Variants in PCNX4 observed in about 807,000 individuals in gnomAD.
The protein encoded by PCNX4 is pecanex 4.
PCNX4 carries 103 observed loss-of-function variants against 107.2 expected under a neutral mutation model. The observed-to-expected ratio is 0.96, with a 90% CI of 0.82 to 1.13. PCNX4 has a LOEUF of 1.13. PCNX4 is among the 50% of genes most tolerant of loss of function. PCNX4 has a pLI of 0.00. For synonymous variants in PCNX4, 541 were observed against 481.7 expected (o/e 1.12, Z -1.61); for missense variants, 1,528 against 1,379.4 (o/e 1.11, Z -1.71).
intron 1 of PCNX4, among the ~76,000 whole-genome samples, chr14:60,100,374 C>G (rs1249691381): frequency 6.6e-6 from 1 of 152,176 alleles, no homozygotes; most frequent in African/African-American, 2.4e-5. Context: ...TCTTGGCTCA[C>G]TACAACCTCT....
chr14:60,110,158 A>G (rs529749326), intron 2 of PCNX4: 2 of 167,280 alleles, frequency 1.2e-5, no homozygotes, highest in Admixed American at 6.5e-5. Context: ...GTGAGTAGAA[A>G]CACTGCCAGT....
chr14:60,121,125 C>G, intron 7 of PCNX4, 71 bp from the exon 8 acceptor site: 2 of 1,502,772 alleles, frequency 1.3e-6, no homozygotes, highest in Non-Finnish European at 1.8e-6. Context: ...TTTGAAGATT[C>G]ACATGGCAAA....
intron 2 of PCNX4, among the ~76,000 whole-genome samples, chr14:60,113,842 A>G (rs181062698): frequency 4.7e-4 from 71 of 152,308 alleles, no homozygotes; most frequent in African/African-American, 1.6e-3. Flanking sequence ...ATTTTTAAAA[A>G]TTTAGTAATA....
rs1248224319 is a variant in PCNX4 at position 60,143,346 on chromosome 14, T to C, written c.*9125T>C. 2 of 152,228 alleles carry C rather than the reference T, an allele frequency of 1.3e-5. No homozygotes were observed. 9.4% of individuals were successfully genotyped at this position (152,228 alleles called of 1,614,324 possible). A position where few individuals can be genotyped will look rare whatever the true frequency, so the allele number is the denominator to read the frequency against. On this transcript the variant is annotated 3_prime_UTR_variant, in exon 11 of 11. Transcript: ENST00000406854. Reference sequence around the variant, plus strand: ...AATTATTCCAATCTTTTCATTCTTATAATTGGTGTGTTGTATTCAATAAAT... The same window carrying C: ...AATTATTCCAATCTTTTCATTCTTACAATTGGTGTGTTGTATTCAATAAAT...
Position 60,121,235 on chromosome 14 carries a change from A to C in PCNX4, c.1982A>C (p.Gln661Pro). 6.3e-7 allele frequency: 1 copy of C among 1,596,762 alleles called. No individual in the cohort carries two copies. The change falls in exon 8 of 11, where the codon CAG (glutamine) becomes CCG (proline). Residue 661 changes from glutamine (Q) to proline (P), a missense_variant. By Grantham distance (76) the Gln-to-Pro change is moderately conservative. Coordinates refer to ENST00000406854, the MANE Select transcript of PCNX4 (RefSeq NM_001330177.2). Reference protein sequence around the residue: ...LPGSHYLGRFQDRLMWIMILE... With the variant: ...LPGSHYLGRFPDRLMWIMILE... ...GGATCTCATTACTTGGGCCGTTTTC[A>C]GGATCGTTTAATGTGGATAATGATT...
chr14:60,127,239 A>G (rs1432487037), intron 10 of PCNX4, among the ~76,000 whole-genome samples: 3 of 152,196 alleles, frequency 2.0e-5, no homozygotes, highest in Non-Finnish European at 4.4e-5. Context: ...TAAACTGTAA[A>G]CTGGCTAGAT....
Position 60,124,466 on chromosome 14 carries a change from G to T in PCNX4, c.2295G>T (p.Val765=). ...AAGGTGACCTCATTAAAGTACTTGT[G>T]TGGATACTTGTTCAATACTGCTCCA... is the stretch of plus-strand genomic sequence containing the variant. The part of the protein sequence containing the change: ...EFKGDLIKVL[V]WILVQYCSKR... Residue 765 remains valine, a synonymous_variant, in exon 9 of 11, where the codon GTG becomes GTT. Coordinates refer to ENST00000406854, the MANE Select transcript of PCNX4 (RefSeq NM_001330177.2). The T allele has an allele frequency of 6.2e-7, 1 of 1,613,720 alleles. No homozygotes were observed. Among genetic ancestry groups the T allele is most frequent in the Non-Finnish European group, 8.5e-7 (1 of 1,179,734 alleles).
At position 60,125,120 on chromosome 14, in the gene PCNX4, T is replaced by G. The variant is rs1235906642; in HGVS notation, c.2949T>G (p.Phe983Leu). The change falls in exon 9 of 11, where the codon TTT becomes TTG. Residue 983 changes from phenylalanine to leucine, a missense_variant. Physicochemically the swap from Phe to Leu is conservative, Grantham distance 22 (BLOSUM62 0). Coordinates refer to ENST00000406854, the MANE Select transcript of PCNX4 (RefSeq NM_001330177.2). ...TAATGACTTGTTATTTTAGTTTATT[T>G]GGAATAGACAATATGGCTCCTAGTC... ...HTVMTCYFSL[F>L]GIDNMAPSPG... The G allele has an allele frequency of 6.2e-7, 1 of 1,612,952 alleles. No homozygotes were observed. Among genetic ancestry groups the G allele is most frequent in the African/African-American group, 1.3e-5 (1 of 74,904 alleles).
rs1362613241 is a variant in PCNX4, at chr14:60,107,854, A to G, written c.216A>G (p.Thr72=). 1 of 1,612,794 alleles carries G rather than the reference A, an allele frequency of 6.2e-7. No individual in the cohort carries two copies. The highest frequency in any genetic ancestry group is 8.5e-7 in the Non-Finnish European group (1 of 1,179,776). Residue 72 remains threonine, a synonymous_variant, in exon 2 of 11, where the codon ACA becomes ACG. Coordinates refer to ENST00000406854, the MANE Select transcript of PCNX4 (RefSeq NM_001330177.2). The stretch of plus-strand genomic sequence containing the variant: ...TAGGCATCCTGAAAGACTATTATAC[A>G]GCAGCACTTTCAGGTGGATTAATGC... ...YQLGILKDYY[T]AALSGGLMLF...
chr14:60,104,519 C>G (rs1895594983), intron 1 of PCNX4, among the ~76,000 whole-genome samples: 1 of 152,102 alleles, frequency 6.6e-6, no homozygotes, highest in East Asian at 1.9e-4. Flanking sequence ...CCTCTGTATT[C>G]ATCTGTTTTC....
chr14:60,127,591 A>G (rs1896079177), intron 10 of PCNX4, among the ~76,000 whole-genome samples: 2 of 152,230 alleles, frequency 1.3e-5, no homozygotes, highest in Admixed American at 1.3e-4. Context: ...CACTACAATA[A>G]GCCAGCCAAT....
At position 60,139,690 on chromosome 14, in the gene PCNX4, C is replaced by G. The variant is rs1566525464; in HGVS notation, c.*5469C>G. 6.6e-6 allele frequency: 1 copy of G among 151,898 alleles called. No homozygotes were observed. The highest frequency in any genetic ancestry group is 1.5e-5 in the Non-Finnish European group (1 of 67,926). 9.4% of individuals were successfully genotyped at this position (151,898 alleles called of 1,614,324 possible). On this transcript the variant is annotated 3_prime_UTR_variant, in exon 11 of 11. Coordinates refer to ENST00000406854, the MANE Select transcript of PCNX4 (RefSeq NM_001330177.2). ...AGATAGAATATTTATCAAAACTGAC[C>G]ATATTCCAAGTCATAGGAATGGAAT... is the stretch of plus-strand genomic sequence containing the variant.
intron 10 of PCNX4, among the ~76,000 whole-genome samples, chr14:60,131,905 T>C (rs1896161383): frequency 6.6e-6 from 1 of 152,232 alleles, no homozygotes. Flanking sequence ...TTTAGCCAGC[T>C]AATTTTCAAC....
rs377522236 is a variant in PCNX4, at chr14:60,108,288, T to C, written c.650T>C (p.Leu217Pro). Residue 217 changes from leucine (L) to proline (P), a missense_variant, in exon 2 of 11, where the codon CTT (leucine) becomes CCT (proline). Leu to Pro is a moderately conservative substitution (Grantham distance 98). Transcript: ENST00000406854. ...GAAATTATTCCTCTTATGAGACCTC[T>C]TTATATTTTTTTCTTTGTTTCTGTG... ...TYEIIPLMRP[L>P]YIFFFVSVDL... 210 of 1,609,102 alleles carry C rather than the reference T, an allele frequency of 1.3e-4. 1 individual carries two copies. Among genetic ancestry groups the C allele is most frequent in the Non-Finnish European group, 1.6e-4 (191 of 1,178,914 alleles).
At chr14:60,128,432 A>G (rs1896094711) in intron 10 of PCNX4, among the ~76,000 whole-genome samples, 1 of 152,362 alleles carries the variant, frequency 6.6e-6, no homozygotes, top group East Asian at 1.9e-4. Flanking sequence ...GGAATGACAT[A>G]TTCAAAGTGC....
At chr14:60,105,203 G>A (rs1406417723) in intron 1 of PCNX4, among the ~76,000 whole-genome samples, 1 of 152,064 alleles carries the variant, frequency 6.6e-6, no homozygotes, top group Non-Finnish European at 1.5e-5. Context: ...CAGTGGTTTT[G>A]GTATACAGAG....
rs146080955 is a variant in PCNX4 at position 60,124,627 on chromosome 14, A to G, written c.2456A>G (p.Asn819Ser). The change falls in exon 9 of 11, where the codon AAT becomes AGT. Residue 819 changes from asparagine (N) to serine (S), a missense_variant. Coordinates refer to ENST00000406854, the MANE Select transcript of PCNX4 (RefSeq NM_001330177.2). ...DIDSLNSETF[N>S]DWSDDNIFDD... Reference sequence around the variant, plus strand: ...GACAGTTTAAATTCAGAAACTTTTAATGACTGGTCTGATGATAATATTTTT... The same window carrying G: ...GACAGTTTAAATTCAGAAACTTTTAGTGACTGGTCTGATGATAATATTTTT... The G allele has an allele frequency of 5.0e-6, 8 of 1,613,816 alleles. No individual in the cohort carries two copies. The highest frequency in any genetic ancestry group is 2.2e-5 in the South Asian group (2 of 91,078).
chr14:60,107,253 T>G (rs1895646059), intron 1 of PCNX4, among the ~76,000 whole-genome samples: 3 of 152,018 alleles, frequency 2.0e-5, no homozygotes, highest in Non-Finnish European at 4.4e-5. Context: ...TAGGGGCATG[T>G]GCCTATAGTC....
Position 60,118,383 on chromosome 14 carries a change from G to C in PCNX4, c.1633G>C (p.Val545Leu). Residue 545 changes from valine (V) to leucine (L), a missense_variant, in exon 7 of 11, where the codon GTG (valine) becomes CTG (leucine). Transcript: ENST00000406854. ...GTTCATCTCTAAATTGCAGTTTGCC[G>C]TGACTGTGCTTTTGACATCATGGAC... is the stretch of plus-strand genomic sequence containing the variant. ...IQFISKLQFAVTVLLTSWTEK... is the reference protein window; with the variant it reads ...IQFISKLQFALTVLLTSWTEK... 6.2e-7 allele frequency: 1 copy of C among 1,613,234 alleles called. No individual in the cohort carries two copies. Among genetic ancestry groups the C allele is most frequent in the Non-Finnish European group, 8.5e-7 (1 of 1,179,578 alleles).
Sources: gnomAD v4.1 joint callset for allele counts (sites outside exome capture counted in the v4.1 genomes callset) on GRCh38, gnomAD v4.1.1 for gene constraint, MANE v1.5 for transcripts, NCBI Gene and HGNC (gene_info 2026-07-23, HGNC 2026-07-21) for gene names.